The following TNRC6B variants were observed in gnomAD, a reference collection of about 807,000 sequenced individuals.
TNRC6B encodes trinucleotide repeat containing adaptor 6B, also known as trinucleotide repeat-containing gene 6B protein.
A neutral mutation model predicts 203.6 loss-of-function variants in TNRC6B; 52 were observed. That is an observed-to-expected ratio of 0.26 (90% CI 0.20 to 0.32). The LOEUF is 0.32. TNRC6B is among the 10% of genes least tolerant of loss of function. TNRC6B has a pLI of 1.00. For missense variants in TNRC6B, 1,923 were observed against 2,286.2 expected (o/e 0.84, Z 3.24); for synonymous variants, 838 against 845.7 (o/e 0.99, Z 0.16).
intron 1 of TNRC6B, among the ~76,000 whole-genome samples, chr22:40,239,452 T>C (rs1012409342): frequency 6.6e-6 from 1 of 152,028 alleles, no homozygotes; most frequent in African/African-American, 2.4e-5. Flanking sequence ...AGTTGTGGGG[T>C]CTGCAGAAGA....
At chr22:40,151,560 G>GGAAA (rs1555885697) in intron 3 of TNRC6B, among the ~76,000 whole-genome samples, 1 of 140,332 alleles carries the variant, frequency 7.1e-6, no homozygotes, top group Non-Finnish European at 1.5e-5. Context: ...AAAGAAAAAA[G>GGAAA]AAAAAAACTA....
rs1185845957 is a variant in TNRC6B at position 40,324,230 on chromosome 22, TGCC to T, written c.*990_*992del. The T allele has an allele frequency of 6.6e-6, 1 of 152,176 alleles. No homozygotes were observed. The highest frequency in any genetic ancestry group is 1.5e-5 in the Non-Finnish European group (1 of 67,982). 9.4% of individuals were successfully genotyped at this position (152,176 alleles called of 1,614,324 possible). A position where few individuals can be genotyped will look rare whatever the true frequency, so the allele number is the denominator to read the frequency against. On this transcript the variant is annotated 3_prime_UTR_variant, in exon 23 of 23. Transcript: ENST00000454349. ...TTGACCTAGCAGTAGAGTGGAGCAC[TGCC>T]AAGTCCAAAAAACTAGAGCAGGAGG...
intron 1 of TNRC6B, among the ~76,000 whole-genome samples, chr22:40,081,776 T>TCAA (rs2068065701): frequency 1.3e-5 from 2 of 152,252 alleles, no homozygotes; most frequent in African/African-American, 4.8e-5. Flanking sequence ...CCTATTATTG[T>TCAA]ATCTTTCTAC....
intron 21 of TNRC6B, among the ~76,000 whole-genome samples, chr22:40,317,814 C>CT (rs1443941185): frequency 6.6e-6 from 1 of 152,214 alleles, no homozygotes; most frequent in African/African-American, 2.4e-5. Flanking sequence ...CTCATCAAAA[C>CT]TGAGTCCATC....
chr22:40,060,887 T>G (rs1302338907), intron 1 of TNRC6B, among the ~76,000 whole-genome samples: 1 of 152,192 alleles, frequency 6.6e-6, no homozygotes, highest in African/African-American at 2.4e-5. Context: ...GAACCAAAAT[T>G]TCAGGCTCCC....
rs1227355775 is a variant in TNRC6B, at chr22:40,266,521, C to G, written c.2291C>G (p.Ser764Cys). Residue 764 changes from serine to cysteine, a missense_variant, in exon 5 of 23, where the codon TCT (serine) becomes TGT (cysteine). Physicochemically the swap from Ser to Cys is moderately radical, Grantham distance 112. Around this residue, in one of 8 missense-constraint regions of TNRC6B, gnomAD observed 599 missense variants for 656.5 expected, o/e 0.91. Transcript: ENST00000454349. The part of the protein sequence containing the change: ...DQTKNSNWES[S>C]ASKPVSGWGE... ...ACAAAAAACAGCAATTGGGAAAGTT[C>G]TGCAAGTAAACCTGTGTCTGGGTGG... 1.2e-6 allele frequency: 2 copies of G among 1,613,700 alleles called. No individual in the cohort carries two copies. The highest frequency in any genetic ancestry group is 3.3e-5 in the Admixed American group (2 of 59,990).
chr22:40,061,339 T>C (rs545960828), intron 1 of TNRC6B, among the ~76,000 whole-genome samples: 7 of 152,158 alleles, frequency 4.6e-5, no homozygotes, highest in African/African-American at 1.7e-4. Flanking sequence ...CTTGGCCTCT[T>C]GAGTAGCTGG....
chr22:40,193,564 A>G (rs2069300163), intron 1 of TNRC6B, among the ~76,000 whole-genome samples: 1 of 152,190 alleles, frequency 6.6e-6, no homozygotes, highest in African/African-American at 2.4e-5. Context: ...GCAGCCTGGC[A>G]CTCCGTAGGC....
intron 12 of TNRC6B, among the ~76,000 whole-genome samples, chr22:40,293,256 C>T (rs67710801): frequency 0.13 from 16,358 of 129,646 alleles, 999 homozygotes; most frequent in Middle Eastern, 0.2. Flanking sequence ...AATGCAGTGG[C>T]GTGATCGCAG....
rs192674032 is a variant in TNRC6B at position 40,079,653 on chromosome 22, C to G, written c.-121+34655C>G. On this transcript the variant is annotated intron_variant, in intron 1 of 23. Transcript: ENST00000301923. ...ATTTTTTTTGAGACAGGGTCTTGCT[C>G]TGTCATCCAGGCTAGAGTACAGTGG... Among the ~76,000 whole-genome samples the G allele has an allele frequency of 5.3e-5, 8 of 152,000 alleles. No homozygotes were observed. In the East Asian group the frequency reaches 1.5e-3, roughly 29 times the overall value.
intron 12 of TNRC6B, among the ~76,000 whole-genome samples, chr22:40,299,171 A>C (rs868694109): frequency 6.6e-6 from 1 of 151,554 alleles, no homozygotes; most frequent in South Asian, 2.1e-4. Context: ...AAAAAAAAAA[A>C]AAACAAAACT....
At chr22:40,207,416 AAAATATATAT>A (rs1417972557) in intron 1 of TNRC6B, among the ~76,000 whole-genome samples, 13 of 114,672 alleles carry the variant, frequency 1.1e-4, no homozygotes, top group Admixed American at 3.1e-4. Flanking sequence ...CAAAAAAAAA[AAAATATATAT>A]ATATATATAT....
intron 1 of TNRC6B, among the ~76,000 whole-genome samples, chr22:40,091,922 G>A (rs2068153978): frequency 6.6e-6 from 1 of 152,154 alleles, no homozygotes; most frequent in South Asian, 2.1e-4. Context: ...AATTTAAATT[G>A]TTCTTGGGTT....
At chr22:40,063,439 C>T (rs944262475) in intron 1 of TNRC6B, among the ~76,000 whole-genome samples, 1 of 152,210 alleles carries the variant, frequency 6.6e-6, no homozygotes. Flanking sequence ...GGATCAGCTT[C>T]TCCATTTCTA....
intron 1 of TNRC6B, among the ~76,000 whole-genome samples, chr22:40,242,914 G>T (rs1400221615): frequency 6.6e-6 from 1 of 151,972 alleles, no homozygotes; most frequent in Non-Finnish European, 1.5e-5. Flanking sequence ...CTGTCACCCA[G>T]GCTGGAGTGC....
chr22:40,320,428 C>T (rs1163887088), intron 21 of TNRC6B, among the ~76,000 whole-genome samples: 1 of 152,124 alleles, frequency 6.6e-6, no homozygotes, highest in Non-Finnish European at 1.5e-5. Flanking sequence ...TGCAGTGAGT[C>T]GAGATTGTGC....
chr22:40,318,357 C>A (rs972750048), intron 21 of TNRC6B, among the ~76,000 whole-genome samples: 1 of 152,064 alleles, frequency 6.6e-6, no homozygotes, highest in African/African-American at 2.4e-5. Flanking sequence ...ACCATCCTGG[C>A]TAACATGGTG....
At chr22:40,139,230 T>C (rs2068625532) in intron 3 of TNRC6B, among the ~76,000 whole-genome samples, 1 of 152,192 alleles carries the variant, frequency 6.6e-6, no homozygotes, top group South Asian at 2.1e-4. Context: ...TTCTTTCAGT[T>C]AGCATCATGT....
chr22:40,303,594 A>T (rs1472310525), intron 15 of TNRC6B, among the ~76,000 whole-genome samples: 1 of 152,012 alleles, frequency 6.6e-6, no homozygotes, highest in East Asian at 1.9e-4. Flanking sequence ...TATAAGATAG[A>T]TGTGTTTTGT....
Sources: allele counts gnomAD v4.1 joint callset (sites outside exome capture counted in the v4.1 genomes callset), GRCh38; gene constraint gnomAD v4.1.1; regional missense constraint gnomAD v4.1.1; transcripts MANE v1.5; gene names NCBI Gene and HGNC (gene_info 2026-07-23, HGNC 2026-07-21).